Variants in SLC34A3 observed in about 807,000 individuals in gnomAD.
SLC34A3 encodes the protein solute carrier family 34 member 3, also known as sodium-dependent phosphate transport protein 2C.
Under a neutral mutation model 43.9 loss-of-function variants are expected in SLC34A3, and 60 were observed. The observed-to-expected ratio is 1.37, with a 90% CI of 1.11 to 1.70. The LOEUF (loss-of-function observed/expected upper bound fraction) is 1.70, where lower values mean the gene tolerates loss of function less well. SLC34A3 is among the 40% of genes most tolerant of loss of function. SLC34A3 has a pLI of 0.00. For synonymous variants in SLC34A3, 451 were observed against 386.2 expected (o/e 1.17, Z -1.97); for missense variants, 969 against 823.8 (o/e 1.18, Z -2.16).
rs775653668 is a variant in SLC34A3 at position 137,233,998 on chromosome 9, C to T, written c.925+57C>T. ...CCCCCCACACTCCCCCTCACCGGCCCCTACATGGAGAGGAACAGCACAGCC... is the reference window on the plus strand; with the variant it reads ...CCCCCCACACTCCCCCTCACCGGCCTCTACATGGAGAGGAACAGCACAGCC... On this transcript the variant is annotated intron_variant, in intron 9 of 12. Coordinates refer to ENST00000673835, the MANE Select transcript of SLC34A3 (RefSeq NM_001177316.2). 4.6e-5 allele frequency: 69 copies of T among 1,504,326 alleles called. No homozygotes were observed. The South Asian group carries it at 7.9e-4, about 17-fold the overall frequency. 93.2% of individuals were successfully genotyped at this position (1,504,326 alleles called of 1,614,324 possible). A position where few individuals can be genotyped will look rare whatever the true frequency, so the allele number is the denominator to read the frequency against.
chr9:137,234,819 G>A lies in SLC34A3; in HGVS notation c.1335+88G>A. The stretch of plus-strand genomic sequence containing the variant: ...GTGTGTCACCAGCCCCGGGGCCCTA[G>A]GCTGGCTGTGCCCCCGCCTTCCTGG... On this transcript the variant is annotated intron_variant, in intron 12 of 12. Transcript: ENST00000673835. The surrounding 1 kb of genome is among the most constrained non-coding windows in gnomAD (Gnocchi z 6.9). 6.3e-7 allele frequency: 1 copy of A among 1,582,868 alleles called. No individual in the cohort carries two copies. Among genetic ancestry groups the A allele is most frequent in the Middle Eastern group, 1.8e-4 (1 of 5,476 alleles).
rs1350115525 is a variant in SLC34A3, at chr9:137,232,340, C to A, written c.175+179C>A. 2.6e-5 allele frequency among the ~76,000 whole-genome samples: 4 copies of A among 152,214 alleles called. No individual in the cohort carries two copies. In the South Asian group the frequency reaches 6.2e-4, roughly 24 times the overall value. Reference sequence around the variant, plus strand: ...GGTGTCTGTGCTGTCCTGGGGCAGACCGGCCACCTCTGCCCATCCGTCCCT... The same window carrying A: ...GGTGTCTGTGCTGTCCTGGGGCAGAACGGCCACCTCTGCCCATCCGTCCCT... On this transcript the variant is annotated intron_variant, in intron 3 of 12. Transcript: ENST00000673835.
In SLC34A3 at chr9:137,234,085, C is replaced by T. The variant is rs1351764205; in HGVS notation, c.926-24C>T. On this transcript the variant is annotated intron_variant, in intron 9 of 12. Transcript: ENST00000673835. The surrounding 1 kb of genome is among the most constrained non-coding windows in gnomAD (Gnocchi z 6.9). ...CCGGCCCACCCCCCAGGCTCCCCCTCACCTGCCCCTGCCCTGCCCCCAGGC... is the reference window on the plus strand; with the variant it reads ...CCGGCCCACCCCCCAGGCTCCCCCTTACCTGCCCCTGCCCTGCCCCCAGGC... The T allele has an allele frequency of 2.4e-5, 36 of 1,529,212 alleles. No homozygotes were observed. Among genetic ancestry groups the T allele is most frequent in the Non-Finnish European group, 3.2e-5 (36 of 1,140,178 alleles). The allele number at this position is 1,529,212 out of a possible 1,614,324, so 94.7% of individuals were successfully genotyped here.
At chr9:137,232,447 G>C in intron 3 of SLC34A3, 128 bp from the exon 4 acceptor site, 29 of 1,358,716 alleles carry the variant, frequency 2.1e-5, no homozygotes, top group Non-Finnish European at 2.7e-5. Context: ...TGGGGGTTAC[G>C]GAAGAGGAGG....
Position 137,232,101 on chromosome 9 carries a change from G to A in SLC34A3, c.115G>A (p.Glu39Lys), listed in dbSNP as rs759132724. ...GTSSSAPVLEEGDTDPWTLPQ... is the reference protein window; with the variant it reads ...GTSSSAPVLEKGDTDPWTLPQ... ...CTCCAGTTCTGCTCCAGTCTTGGAG[G>A]AAGGGGACACAGACCCCTGGACCCT... The change falls in exon 3 of 13, where the codon GAA (glutamate) becomes AAA (lysine). Residue 39 changes from glutamate to lysine, a missense_variant. Coordinates refer to ENST00000673835, the MANE Select transcript of SLC34A3 (RefSeq NM_001177316.2). 58 of 1,613,142 alleles carry A rather than the reference G, an allele frequency of 3.6e-5. No individual in the cohort carries two copies. Among genetic ancestry groups the A allele is most frequent in the Non-Finnish European group, 4.7e-5 (55 of 1,180,032 alleles).
chr9:137,233,522 G>A, intron 7 of SLC34A3, 111 bp from the exon 8 acceptor site: 67 of 1,559,028 alleles, frequency 4.3e-5, no homozygotes, highest in Non-Finnish European at 5.9e-5. Flanking sequence ...CTGGGACAGG[G>A]GAGGAGAGGG....
At chr9:137,233,779 T>TTGGGCGG in intron 8 of SLC34A3, 57 bp downstream of exon 8, 1 of 1,445,820 alleles carries the variant, frequency 6.9e-7, no homozygotes, top group Non-Finnish European at 9.6e-7. Context: ...TGCTGAGTCA[T>TTGGGCGG]CCCGCCCCAC....
chr9:137,232,309 C>A, intron 3 of SLC34A3, 148 bp downstream of exon 3: 2 of 856,534 alleles, frequency 2.3e-6, no homozygotes, highest in Non-Finnish European at 3.7e-6. Context: ...ACGTGTCCCT[C>A]AACCGGGTGT....
rs1237026043 is a variant in SLC34A3 at position 137,233,131 on chromosome 9, A to C, written c.560+16A>C. ...AATTTCAGAGGTGAGTTGTGGGTGG[A>C]AGGGCTGGGCTGGGGCTGCAGTGGC... On this transcript the variant is annotated intron_variant, in intron 6 of 12. Coordinates refer to ENST00000673835, the MANE Select transcript of SLC34A3 (RefSeq NM_001177316.2). The C allele has an allele frequency of 6.6e-7, 1 of 1,521,192 alleles. No homozygotes were observed. Among genetic ancestry groups the C allele is most frequent in the Non-Finnish European group, 8.9e-7 (1 of 1,126,362 alleles). The allele number at this position is 1,521,192 out of a possible 1,614,324, so 94.2% of individuals were successfully genotyped here.
At chr9:137,235,050 C>A (rs1043133791) in intron 12 of SLC34A3, among the ~76,000 whole-genome samples, 1 of 152,166 alleles carries the variant, frequency 6.6e-6, no homozygotes, top group African/African-American at 2.4e-5. Context: ...CCCTCAGATG[C>A]TTTCCCCCAA....
At chr9:137,232,955 TG>T (rs760921945) in intron 5 of SLC34A3, 28 bp downstream of exon 5, 77 of 1,069,776 alleles carry the variant, frequency 7.2e-5, no homozygotes, top group Admixed American at 1.9e-4. Flanking sequence ...CCCCGGGTGG[TG>T]GGGGGGGCAG....
In SLC34A3 at chr9:137,234,509, C is replaced by A. The variant is rs138798032; in HGVS notation, c.1187C>A (p.Thr396Lys). The part of the protein sequence containing the change: ...TFALQSSSVF[T>K]AAVVPLMGVG... Reference sequence around the variant, plus strand: ...GCACTGCAGAGCAGCAGCGTCTTCACGGCGGCCGTCGTGCCCCTCATGGGT... The same window carrying A: ...GCACTGCAGAGCAGCAGCGTCTTCAAGGCGGCCGTCGTGCCCCTCATGGGT... Residue 396 changes from threonine (T) to lysine (K), a missense_variant, in exon 11 of 13, where the codon ACG (threonine) becomes AAG (lysine). Coordinates refer to ENST00000673835, the MANE Select transcript of SLC34A3 (RefSeq NM_001177316.2). This position sits in a 1 kb window ranked among gnomAD's most constrained non-coding sequence, Gnocchi z 6.9. The A allele has an allele frequency of 1.9e-6, 3 of 1,604,262 alleles. No homozygotes were observed. Among genetic ancestry groups the A allele is most frequent in the South Asian group, 1.1e-5 (1 of 90,956 alleles).
Position 137,234,611 on chromosome 9 carries a change from C to G in SLC34A3, c.1215C>G (p.Val405=), listed in dbSNP as rs774650365. ...GGTGACTCCCAGTTCCCCCAGGGGT[C>G]GGGGTGATCAGTCTGGACCGGGCGT... is the stretch of plus-strand genomic sequence containing the variant. The part of the protein sequence containing the change: ...FTAAVVPLMG[V]GVISLDRAYP... Residue 405 remains valine, a synonymous_variant, in exon 12 of 13, where the codon GTC becomes GTG. Transcript: ENST00000673835. The surrounding 1 kb of genome is among the most constrained non-coding windows in gnomAD (Gnocchi z 6.9). The G allele has an allele frequency of 6.2e-7, 1 of 1,612,348 alleles. No homozygotes were observed. The highest frequency in any genetic ancestry group is 8.5e-7 in the Non-Finnish European group (1 of 1,179,820).
At position 137,236,209 on chromosome 9, in the gene SLC34A3, T is replaced by C. The variant is rs1836585620; in HGVS notation, c.1593T>C (p.Val531=). ...GGCTGGTGCTCCTCGTCATCCTGGT[T>C]ACTGTCCTGCAGCGGCGCCGGCCGG... The part of the protein sequence containing the change: ...LVGLVLLVIL[V]TVLQRRRPAW... Residue 531 remains valine, a synonymous_variant, in exon 13 of 13, where the codon GTT becomes GTC. Transcript: ENST00000673835. The C allele has an allele frequency of 6.3e-7, 1 of 1,592,080 alleles. No homozygotes were observed. Among genetic ancestry groups the C allele is most frequent in the Non-Finnish European group, 8.5e-7 (1 of 1,171,782 alleles).
Position 137,232,928 on chromosome 9 carries a change from G to A in SLC34A3, c.448+1G>A, listed in dbSNP as rs150841256. ...GTGGTCAGCATGGTGGCTGCTAAGC[G>A]TGGGTGCACACTCCCTCCCCGGGTG... On this transcript the variant is annotated splice_donor_variant, in intron 5 of 12. Coordinates refer to ENST00000673835, the MANE Select transcript of SLC34A3 (RefSeq NM_001177316.2). LOFTEE classifies it high-confidence loss of function. 3.8e-4 allele frequency: 603 copies of A among 1,606,892 alleles called. 1 individual carries two copies. Among genetic ancestry groups the A allele is most frequent in the Non-Finnish European group, 4.6e-4 (545 of 1,177,202 alleles).
rs1270921547 is a variant in SLC34A3 at position 137,236,272 on chromosome 9, C to T, written c.1656C>T (p.Leu552=). Residue 552 remains leucine, a synonymous_variant, in exon 13 of 13, where the codon CTC becomes CTT. Transcript: ENST00000673835. ...LPVRLRSWAW[L]PVWLHSLEPW... ...TCCGCCTGCGCTCCTGGGCCTGGCT[C>T]CCCGTCTGGCTCCATTCTCTGGAGC... The T allele has an allele frequency of 1.3e-6, 2 of 1,542,866 alleles. No individual in the cohort carries two copies. Among genetic ancestry groups the T allele is most frequent in the Non-Finnish European group, 8.7e-7 (1 of 1,146,898 alleles).
chr9:137,232,318 G>A (rs1465691643), intron 3 of SLC34A3, among the ~76,000 whole-genome samples, 157 bp downstream of exon 3: 1 of 152,232 alleles, frequency 6.6e-6, no homozygotes, highest in Non-Finnish European at 1.5e-5. Context: ...TCAACCGGGT[G>A]TCTGTGCTGT....
Position 137,233,930 on chromosome 9 carries a change from A to G in SLC34A3, c.914A>G (p.Asp305Gly), listed in dbSNP as rs751999373. Residue 305 changes from aspartate to glycine, a missense_variant, in exon 9 of 13, where the codon GAC (aspartate) becomes GGC (glycine). Coordinates refer to ENST00000673835, the MANE Select transcript of SLC34A3 (RefSeq NM_001177316.2). ...CTEKNSTAPA[D>G]RLPCRHLFAG... ...GAGAAGAACAGCACAGCCCCGGCGG[A>G]CAGGCTGCCCTGTGAGGCCCGGCCC... 1 of 1,575,308 alleles carries G rather than the reference A, an allele frequency of 6.3e-7. No individual in the cohort carries two copies. The highest frequency in any genetic ancestry group is 1.2e-5 in the South Asian group (1 of 84,602).
In SLC34A3 at chr9:137,233,897, C is replaced by G. The variant is rs775344679; in HGVS notation, c.881C>G (p.Pro294Arg). 1.5e-5 allele frequency: 24 copies of G among 1,607,124 alleles called. No individual in the cohort carries two copies. Among genetic ancestry groups the G allele is most frequent in the Non-Finnish European group, 2.0e-5 (23 of 1,178,228 alleles). Residue 294 changes from proline (P) to arginine (R), a missense_variant, in exon 9 of 13, where the codon CCG becomes CGG. By Grantham distance (103) the Pro-to-Arg change is moderately radical. Coordinates refer to ENST00000673835, the MANE Select transcript of SLC34A3 (RefSeq NM_001177316.2). ...QENSSCGAFG[P>R]CTEKNSTAPA... ...AACAGCAGCTGTGGCGCCTTCGGCC[C>G]GTGCACAGAGAAGAACAGCACAGCC...
Sources: allele counts gnomAD v4.1 joint callset (sites outside exome capture counted in the v4.1 genomes callset), GRCh38; gene constraint gnomAD v4.1.1; non-coding constraint Gnocchi (gnomAD v3.1); transcripts MANE v1.5; gene names NCBI Gene and HGNC (gene_info 2026-07-23, HGNC 2026-07-21).